Variants in TIAM2 observed in about 807,000 individuals in gnomAD.
TIAM2 encodes the protein TIAM Rac1 associated GEF 2, also known as rho guanine nucleotide exchange factor TIAM2.
Under a neutral mutation model 152.9 loss-of-function variants are expected in TIAM2, and 80 were observed. That is an observed-to-expected ratio of 0.52 (90% CI 0.44 to 0.63). TIAM2 has a LOEUF of 0.63. Among genes scored for constraint, TIAM2 ranks in the 30% least tolerant of loss-of-function variants. The pLI is 0.00. For synonymous variants in TIAM2, 804 were observed against 838.0 expected, an observed-to-expected ratio of 0.96 and a Z score of 0.70; for missense variants, 1,965 against 2,120.1, an observed-to-expected ratio of 0.93 and a Z score of 1.44.
intron 5 of TIAM2, 140 bp downstream of exon 5, chr6:155,137,752 A>T: frequency 5.7e-6 from 5 of 875,272 alleles, no homozygotes; most frequent in Non-Finnish European, 8.5e-6. Flanking sequence ...GCCTTCATGC[A>T]GATACTTTCT....
At chr6:155,076,670 T>C (rs1315359475) in intron 1 of TIAM2, among the ~76,000 whole-genome samples, 1 of 152,134 alleles carries the variant, frequency 6.6e-6, no homozygotes, top group Non-Finnish European at 1.5e-5. Context: ...TGCTACTCAG[T>C]GTTTGAAATT....
At chr6:155,128,206 A>G (rs1341717168) in intron 3 of TIAM2, among the ~76,000 whole-genome samples, 2 of 152,180 alleles carry the variant, frequency 1.3e-5, no homozygotes, top group African/African-American at 4.8e-5. Flanking sequence ...CTCTCATCAT[A>G]TTCTAAAGTG....
At chr6:155,058,646 G>A (rs568948621) in intron 1 of TIAM2, among the ~76,000 whole-genome samples, 9 of 152,260 alleles carry the variant, frequency 5.9e-5, no homozygotes, top group African/African-American at 2.2e-4. Context: ...TCTTTCACCA[G>A]TGAGCAAAAC....
At chr6:155,178,169 A>C (rs1445011108) in intron 10 of TIAM2, among the ~76,000 whole-genome samples, 1 of 150,892 alleles carries the variant, frequency 6.6e-6, no homozygotes, top group Non-Finnish European at 1.5e-5. Context: ...TCAAATTAAA[A>C]AAAAAAAAAA....
chr6:155,163,961 A>ATTTTTT (rs71558240), intron 7 of TIAM2, among the ~76,000 whole-genome samples: 5 of 144,048 alleles, frequency 3.5e-5, no homozygotes, highest in East Asian at 2.0e-4. Flanking sequence ...GACCCAGTGC[A>ATTTTTT]TTTTGTTTTT....
At chr6:155,231,735 T>C (rs1782485266) in intron 15 of TIAM2, among the ~76,000 whole-genome samples, 1 of 152,226 alleles carries the variant, frequency 6.6e-6, no homozygotes, top group Non-Finnish European at 1.5e-5. Context: ...AGGAGCCCCT[T>C]GTTCCCACTG....
At chr6:155,245,191 A>T (rs1191185733) in intron 18 of TIAM2, among the ~76,000 whole-genome samples, 1 of 152,186 alleles carries the variant, frequency 6.6e-6, no homozygotes, top group Non-Finnish European at 1.5e-5. Flanking sequence ...CCTCTCTTCT[A>T]TGAAGCACCA....
intron 14 of TIAM2, among the ~76,000 whole-genome samples, chr6:155,189,035 T>C (rs1304047590): frequency 6.6e-6 from 1 of 152,218 alleles, no homozygotes; most frequent in Non-Finnish European, 1.5e-5. Flanking sequence ...GCGTTGAGTC[T>C]CAAGCTACCA....
chr6:155,103,471 C>T (rs1281958856), intron 2 of TIAM2, among the ~76,000 whole-genome samples: 2 of 152,102 alleles, frequency 1.3e-5, no homozygotes, highest in Non-Finnish European at 2.9e-5. Context: ...CGCCTGTAAT[C>T]CTAGCACTTT....
intron 15 of TIAM2, among the ~76,000 whole-genome samples, chr6:155,234,911 G>C (rs904276861): frequency 9.9e-5 from 15 of 152,250 alleles, no homozygotes; most frequent in African/African-American, 3.6e-4. Context: ...GAACTAGATT[G>C]CTTTGCCTGT....
intron 1 of TIAM2, among the ~76,000 whole-genome samples, chr6:155,057,162 G>C (rs1008317259): frequency 2.0e-5 from 3 of 150,810 alleles, no homozygotes; most frequent in Non-Finnish European, 3.0e-5. Flanking sequence ...CTGAGTAGCT[G>C]GGACTATAGG....
intron 1 of TIAM2, among the ~76,000 whole-genome samples, chr6:155,066,683 A>G (rs1583174637): frequency 6.6e-6 from 1 of 152,154 alleles, no homozygotes; most frequent in African/African-American, 2.4e-5. Context: ...GTGTATATAT[A>G]TAATTTTTTT....
At chr6:155,126,459 C>T (rs966067046) in intron 2 of TIAM2, among the ~76,000 whole-genome samples, 8 of 152,126 alleles carry the variant, frequency 5.3e-5, no homozygotes, top group Non-Finnish European at 7.4e-5. Context: ...GGGCCAGGCG[C>T]GGTGGCTCAC....
chr6:155,197,775 C>T (rs1781381562), intron 14 of TIAM2, among the ~76,000 whole-genome samples: 3 of 152,054 alleles, frequency 2.0e-5, no homozygotes, highest in African/African-American at 2.4e-5. Flanking sequence ...CGTTTGAACT[C>T]GCTGTCACCA....
intron 6 of TIAM2, among the ~76,000 whole-genome samples, chr6:155,145,902 C>T (rs1016268275): frequency 6.6e-6 from 1 of 152,134 alleles, no homozygotes; most frequent in Non-Finnish European, 1.5e-5. Context: ...ATTTGATTTT[C>T]CTTTTCTTAA....
At position 155,174,430 on chromosome 6, in the gene TIAM2, G is replaced by A. The variant is rs12530102; in HGVS notation, c.2362-2386G>A. On this transcript the variant is annotated intron_variant, in intron 9 of 26. Transcript: ENST00000682666. This position sits in a 1 kb window ranked among gnomAD's most constrained non-coding sequence, Gnocchi z 4.2. The stretch of plus-strand genomic sequence containing the variant: ...CTGTCGCCCAGGCTGGAGTGCAGTG[G>A]CACGATCTTGGCTCACTGCAACCTC... Among the ~76,000 whole-genome samples the A allele has an allele frequency of 0.087, 13,188 of 151,932 alleles. 762 individuals carry two copies. The highest frequency in any genetic ancestry group is 0.17 in the African/African-American group (6,845 of 41,370).
At chr6:155,150,981 C>T (rs188224936) in intron 7 of TIAM2, among the ~76,000 whole-genome samples, 51 of 152,280 alleles carry the variant, frequency 3.3e-4, no homozygotes, top group Admixed American at 1.2e-3. Context: ...TCCCCATTCA[C>T]GCTACACACA....
chr6:155,060,870 G>C (rs1210642115), intron 1 of TIAM2, among the ~76,000 whole-genome samples: 1 of 152,232 alleles, frequency 6.6e-6, no homozygotes, highest in East Asian at 1.9e-4. Flanking sequence ...GCTCCAGCAT[G>C]GGCGACAAGA....
At chr6:155,043,671 A>AAGG (rs993303683) in intron 1 of TIAM2, among the ~76,000 whole-genome samples, 58 of 146,820 alleles carry the variant, frequency 4.0e-4, no homozygotes, top group African/African-American at 1.4e-3. Context: ...TCTGTAAGGC[A>AAGG]AGGATCCAGG....
Sources: gnomAD v4.1 joint callset for allele counts (sites outside exome capture counted in the v4.1 genomes callset) on GRCh38, gnomAD v4.1.1 for gene constraint, Gnocchi (gnomAD v3.1) non-coding constraint, MANE v1.5 for transcripts, NCBI Gene and HGNC (gene_info 2026-07-23, HGNC 2026-07-21) for gene names.